Variants in CSNK2A2 observed in about 807,000 individuals in gnomAD.
The protein encoded by CSNK2A2 is casein kinase II subunit alpha'.
CSNK2A2 carries 8 observed loss-of-function variants against 54.0 expected under a neutral mutation model. The observed-to-expected ratio is 0.15, with a 90% CI of 0.09 to 0.27. The LOEUF is 0.27. Among genes scored for constraint, CSNK2A2 ranks in the 10% least tolerant of loss-of-function variants. The pLI is 1.00. For missense variants in CSNK2A2, 242 were observed against 439.4 expected, an observed-to-expected ratio of 0.55 and a Z score of 4.02; for synonymous variants, 141 against 153.9, an observed-to-expected ratio of 0.92 and a Z score of 0.62.
At chr16:58,184,202 T>C in intron 4 of CSNK2A2, 58 bp downstream of exon 4, 1 of 1,373,904 alleles carries the variant, frequency 7.3e-7, no homozygotes, top group Non-Finnish European at 1.0e-6. Flanking sequence ...TACACAGTAT[T>C]TATCACCAGC....
intron 5 of CSNK2A2, among the ~76,000 whole-genome samples, chr16:58,171,191 C>T (rs1434560942): frequency 1.3e-5 from 2 of 152,098 alleles, no homozygotes; most frequent in East Asian, 1.9e-4. Flanking sequence ...TAAGCTCCCT[C>T]GATCTGTGCT....
rs996190773 is a variant in CSNK2A2, at chr16:58,197,308, C to T, written c.104+325G>A. The stretch of plus-strand genomic sequence containing the variant: ...GCTCCAAAGGACAGCTGTTGACTTC[C>T]CACCCCAGTGGAAACCCAGAAGTGT... On this transcript the variant is annotated intron_variant, in intron 1 of 11. Transcript: ENST00000262506. The surrounding 1 kb of genome is among the most constrained non-coding windows in gnomAD (Gnocchi z 4.0). 9 of 312,206 alleles carry T rather than the reference C, an allele frequency of 2.9e-5. 1 individual carries two copies. In the South Asian group the frequency reaches 3.0e-4, roughly 10 times the overall value. The allele number at this position is 312,206 out of a possible 1,614,324, so 19.3% of individuals were successfully genotyped here. A position where few individuals can be genotyped will look rare whatever the true frequency, so the allele number is the denominator to read the frequency against.
intron 2 of CSNK2A2, among the ~76,000 whole-genome samples, chr16:58,195,803 T>C (rs1284351052): frequency 6.6e-6 from 1 of 152,222 alleles, no homozygotes; most frequent in African/African-American, 2.4e-5. Context: ...AAACCATATA[T>C]TAAGATAGTT....
chr16:58,193,648 C>T (rs1962367690), intron 2 of CSNK2A2, among the ~76,000 whole-genome samples: 1 of 152,178 alleles, frequency 6.6e-6, no homozygotes. Flanking sequence ...TCATAAAATG[C>T]TAAAAGTTGT....
At chr16:58,166,314 T>C (rs931260042) in intron 9 of CSNK2A2, among the ~76,000 whole-genome samples, 1 of 152,218 alleles carries the variant, frequency 6.6e-6, no homozygotes, top group African/African-American at 2.4e-5. Flanking sequence ...CCATTAAAAA[T>C]AAGCTTTTGC....
intron 7 of CSNK2A2, 46 bp from the exon 8 acceptor site, chr16:58,167,354 A>C: frequency 7.0e-7 from 1 of 1,425,978 alleles, no homozygotes; most frequent in East Asian, 2.3e-5. Flanking sequence ...TTAGAAATCC[A>C]TTTTTCTGAT....
chr16:58,189,899 G>A (rs1347841458), intron 2 of CSNK2A2, among the ~76,000 whole-genome samples: 1 of 152,150 alleles, frequency 6.6e-6, no homozygotes, highest in Non-Finnish European at 1.5e-5. Flanking sequence ...CTAAACCAAT[G>A]AGCTCTGAGG....
chr16:58,188,650 A>G (rs896480474), intron 2 of CSNK2A2, among the ~76,000 whole-genome samples: 1 of 152,246 alleles, frequency 6.6e-6, no homozygotes, highest in Non-Finnish European at 1.5e-5. Context: ...ATCAATGGTT[A>G]CCTTCTAATT....
intron 4 of CSNK2A2, among the ~76,000 whole-genome samples, chr16:58,175,220 G>A (rs751486790): frequency 6.6e-6 from 1 of 152,254 alleles, no homozygotes; most frequent in East Asian, 1.9e-4. Context: ...AGACCCACTC[G>A]CTGGGAGTTT....
intron 5 of CSNK2A2, among the ~76,000 whole-genome samples, chr16:58,173,704 A>C (rs1308479917): frequency 6.6e-6 from 1 of 152,212 alleles, no homozygotes. Context: ...CATGGCAAGG[A>C]AAGATGGCTG....
chr16:58,182,039 A>C (rs1962055595), intron 4 of CSNK2A2, among the ~76,000 whole-genome samples: 11 of 152,216 alleles, frequency 7.2e-5, no homozygotes. Flanking sequence ...TTGGCAGGAC[A>C]AAATAAAAAT....
intron 2 of CSNK2A2, among the ~76,000 whole-genome samples, 188 bp from the exon 3 acceptor site, chr16:58,187,044 T>C (rs1334059137): frequency 6.6e-6 from 1 of 152,038 alleles, no homozygotes; most frequent in African/African-American, 2.4e-5. Context: ...AACATTAAGT[T>C]AAATAATTTA....
In CSNK2A2 at chr16:58,197,539, C is replaced by T. The variant is rs1962496665; in HGVS notation, c.104+94G>A. 1.7e-5 allele frequency: 12 copies of T among 712,768 alleles called. No homozygotes were observed. Among genetic ancestry groups the T allele is most frequent in the African/African-American group, 3.9e-5 (2 of 51,734 alleles). 44.2% of individuals were successfully genotyped at this position (712,768 alleles called of 1,614,324 possible). ...CCCTGCGGGCCCGCGGAGGGGTCGG[C>T]GGGAGACACCACCGGGCCCGAGTGC... On this transcript the variant is annotated intron_variant, in intron 1 of 11. Transcript: ENST00000262506. This position sits in a 1 kb window ranked among gnomAD's most constrained non-coding sequence, Gnocchi z 4.0.
intron 10 of CSNK2A2, among the ~76,000 whole-genome samples, chr16:58,164,554 A>G (rs1313390275): frequency 6.6e-6 from 1 of 152,246 alleles, no homozygotes; most frequent in Non-Finnish European, 1.5e-5. Context: ...ATCCATTTTA[A>G]GCAACCGTAG....
intron 4 of CSNK2A2, among the ~76,000 whole-genome samples, chr16:58,180,145 G>A (rs1961995178): frequency 6.7e-6 from 1 of 149,302 alleles, no homozygotes; most frequent in Admixed American, 6.7e-5. Context: ...AAGAAATGAA[G>A]AAGAAAACCA....
Position 58,164,127 on chromosome 16 carries a change from A to C in CSNK2A2, c.997T>G (p.Ser333Ala), listed in dbSNP as rs1162169662. 9 of 1,613,834 alleles carry C rather than the reference A, an allele frequency of 5.6e-6. No homozygotes were observed. The highest frequency in any genetic ancestry group is 7.6e-6 in the Non-Finnish European group (9 of 1,179,930). The change falls in exon 11 of 12, where the codon TCC becomes GCC. Residue 333 changes from serine (S) to alanine (A), a missense_variant. Physicochemically the swap from Ser to Ala is moderately conservative, Grantham distance 99. Coordinates refer to ENST00000262506, the MANE Select transcript of CSNK2A2 (RefSeq NM_001896.4). The part of the protein sequence containing the change: ...PYFYPVVKEQ[S>A]QPCADNAVLS... ...ACAGCATTGTCTGCACAAGGCTGGG[A>C]CTGCTCCTTCACCACAGGGTCTGCA...
At position 58,197,438 on chromosome 16, in the gene CSNK2A2, G is replaced by C. The variant is rs1047882594; in HGVS notation, c.104+195C>G. 1.2e-4 allele frequency among the ~76,000 whole-genome samples: 18 copies of C among 152,184 alleles called. No individual in the cohort carries two copies. Among genetic ancestry groups the C allele is most frequent in the Non-Finnish European group, 2.9e-5 (2 of 68,040 alleles). The stretch of plus-strand genomic sequence containing the variant: ...TGGGGGAAAGGGGTGCGCAAAGCGG[G>C]GAGAAAGGGACGAAACGGGGGTAAA... On this transcript the variant is annotated intron_variant, in intron 1 of 11. Coordinates refer to ENST00000262506, the MANE Select transcript of CSNK2A2 (RefSeq NM_001896.4). The surrounding 1 kb of genome is among the most constrained non-coding windows in gnomAD (Gnocchi z 4.0).
intron 2 of CSNK2A2, among the ~76,000 whole-genome samples, chr16:58,196,456 AC>A (rs1190079032): frequency 6.6e-6 from 1 of 152,150 alleles, no homozygotes; most frequent in African/African-American, 2.4e-5. Flanking sequence ...CCCTGACTCT[AC>A]AAAAAAATTT....
At chr16:58,178,283 C>CT (rs533745432) in intron 4 of CSNK2A2, among the ~76,000 whole-genome samples, 40 of 149,312 alleles carry the variant, frequency 2.7e-4, no homozygotes, top group Non-Finnish European at 2.1e-4. Context: ...TCTTGAGGCG[C>CT]TTTTTTTTTC....
Sources: allele counts gnomAD v4.1 joint callset (sites outside exome capture counted in the v4.1 genomes callset), GRCh38; gene constraint gnomAD v4.1.1; non-coding constraint Gnocchi (gnomAD v3.1); transcripts MANE v1.5; gene names NCBI Gene and HGNC (gene_info 2026-07-23, HGNC 2026-07-21).